FGF5: variants seen among roughly 807,000 people sequenced by gnomAD.
The protein encoded by FGF5 is fibroblast growth factor 5.
FGF5 carries 23 observed loss-of-function variants against 21.8 expected under a neutral mutation model. The observed-to-expected ratio is 1.05, with a 90% CI of 0.76 to 1.49. The LOEUF (loss-of-function observed/expected upper bound fraction) is 1.49, where lower values mean the gene tolerates loss of function less well. FGF5 is among the 40% of genes most tolerant of loss of function. The pLI is 0.00. For missense variants in FGF5, 352 were observed against 332.9 expected (o/e 1.06, Z -0.45); for synonymous variants, 158 against 124.0 (o/e 1.27, Z -1.82).
chr4:80,276,809 A>G (rs1408640572), intron 2 of FGF5, among the ~76,000 whole-genome samples: 4 of 151,968 alleles, frequency 2.6e-5, no homozygotes, highest in Non-Finnish European at 5.9e-5. Context: ...AACAATGATT[A>G]AACACATCTA....
At position 80,266,718 on chromosome 4, in the gene FGF5, A is replaced by G. The variant is rs1720097510; in HGVS notation, c.-107A>G. On this transcript the variant is annotated 5_prime_UTR_variant, in exon 1 of 3. Transcript: ENST00000312465. ...CCTTCTCTTCCCCGAGGCTATGTCC[A>G]CCCGGTGCGGCGAGGCGGGCAGAGC... 1.0e-6 allele frequency: 1 copy of G among 965,704 alleles called. No individual in the cohort carries two copies. The highest frequency in any genetic ancestry group is 1.6e-5 in the South Asian group (1 of 62,596). The allele number at this position is 965,704 out of a possible 1,614,324, so 59.8% of individuals were successfully genotyped here.
rs1720851031 is a variant in FGF5 at position 80,290,066 on chromosome 4, T to C, written c.*3394T>C. On this transcript the variant is annotated 3_prime_UTR_variant, in exon 3 of 3. Coordinates refer to ENST00000312465, the MANE Select transcript of FGF5 (RefSeq NM_004464.4). ...AAATCATGACTTATCCCATTTTCAA[T>C]AACAAAACGAAACTATGGCACTAAC... 6.6e-6 allele frequency: 1 copy of C among 152,084 alleles called. No homozygotes were observed. Among genetic ancestry groups the C allele is most frequent in the South Asian group, 2.1e-4 (1 of 4,826 alleles). The allele number at this position is 152,084 out of a possible 1,614,324, so 9.4% of individuals were successfully genotyped here. A position where few individuals can be genotyped will look rare whatever the true frequency, so the allele number is the denominator to read the frequency against.
chr4:80,273,453 TAAATGCTCAATAA>T (rs1720326297), intron 1 of FGF5, among the ~76,000 whole-genome samples: 1 of 152,138 alleles, frequency 6.6e-6, no homozygotes, highest in Non-Finnish European at 1.5e-5. Flanking sequence ...TTGCACAAAA[TAAATGCTCAATAA>T]AGTTACTCAC....
chr4:80,280,076 G>A (rs1332990961), intron 2 of FGF5, among the ~76,000 whole-genome samples: 1 of 152,212 alleles, frequency 6.6e-6, no homozygotes, highest in Non-Finnish European at 1.5e-5. Context: ...GGAGGCTTGA[G>A]TAATACTTAT....
At chr4:80,286,210 T>C (rs1252456935) in intron 2 of FGF5, 115 bp from the exon 3 acceptor site, 2 of 663,262 alleles carry the variant, frequency 3.0e-6, no homozygotes, top group Non-Finnish European at 5.1e-6. Context: ...AGGAATTGAG[T>C]AGGAGGAACA....
rs1578288810 is a variant in FGF5, at chr4:80,266,675, C to T, written c.-150C>T. 1.1e-5 allele frequency: 7 copies of T among 664,184 alleles called. No individual in the cohort carries two copies. The East Asian group carries it at 1.7e-4, about 16-fold the overall frequency. The allele number at this position is 664,184 out of a possible 1,614,324, so 41.1% of individuals were successfully genotyped here. A position where few individuals can be genotyped will look rare whatever the true frequency, so the allele number is the denominator to read the frequency against. Reference sequence around the variant, plus strand: ...CAGCGCGGAGATCCGCTCGGGTGGCCTCTCTCTTCCCCTCTCCCCTTCTCT... The same window carrying T: ...CAGCGCGGAGATCCGCTCGGGTGGCTTCTCTCTTCCCCTCTCCCCTTCTCT... On this transcript the variant is annotated 5_prime_UTR_variant, in exon 1 of 3. Transcript: ENST00000312465.
chr4:80,282,452 CTGT>C (rs1446900237), intron 2 of FGF5, among the ~76,000 whole-genome samples: 1 of 151,858 alleles, frequency 6.6e-6, no homozygotes, highest in Non-Finnish European at 1.5e-5. Flanking sequence ...TGAATGTAAC[CTGT>C]TATTATTCTT....
intron 1 of FGF5, among the ~76,000 whole-genome samples, chr4:80,273,620 A>G (rs1720331108): frequency 6.6e-6 from 1 of 152,184 alleles, no homozygotes; most frequent in Admixed American, 6.5e-5. Flanking sequence ...CCTAATTAGT[A>G]TATATGCTTA....
Position 80,267,197 on chromosome 4 carries a change from C to T in FGF5, c.355+18C>T. The T allele has an allele frequency of 6.4e-7, 1 of 1,568,278 alleles. No homozygotes were observed. Among genetic ancestry groups the T allele is most frequent in the Non-Finnish European group, 8.7e-7 (1 of 1,152,332 alleles). On this transcript the variant is annotated intron_variant, in intron 1 of 2. Transcript: ENST00000312465. ...TATGTTAAGTAAGTTACTCGCTCTCCTACAAAACCCGTCCTAGGCGGCCGC... is the reference window on the plus strand; with the variant it reads ...TATGTTAAGTAAGTTACTCGCTCTCTTACAAAACCCGTCCTAGGCGGCCGC...
chr4:80,275,736 T>C (rs1720393108), intron 2 of FGF5, among the ~76,000 whole-genome samples: 1 of 152,038 alleles, frequency 6.6e-6, no homozygotes, highest in African/African-American at 2.4e-5. Context: ...TATGTTCAGC[T>C]TAGTTTTCCC....
At chr4:80,268,931 G>C (rs1472800001) in intron 1 of FGF5, among the ~76,000 whole-genome samples, 1 of 152,244 alleles carries the variant, frequency 6.6e-6, no homozygotes, top group Non-Finnish European at 1.5e-5. Flanking sequence ...GGAATAATCA[G>C]TAACATCTAT....
chr4:80,275,725 A>G (rs1210291271), intron 2 of FGF5, among the ~76,000 whole-genome samples: 1 of 152,046 alleles, frequency 6.6e-6, no homozygotes, highest in Non-Finnish European at 1.5e-5. Flanking sequence ...AGATAATAAA[A>G]TATGTTCAGC....
chr4:80,286,526 C>G lies in FGF5; in HGVS notation c.661C>G (p.Gln221Glu), dbSNP rs374779310. The change falls in exon 3 of 3, where the codon CAG becomes GAG. Residue 221 changes from glutamine to glutamate, a missense_variant. Physicochemically the swap from Gln to Glu is conservative, Grantham distance 29. Transcript: ENST00000312465. ...ISTHFLPRFK[Q>E]SEQPELSFTV... ...TACCCATTTTCTGCCAAGATTCAAG[C>G]AGTCGGAGCAGCCAGAACTTTCTTT... 22 of 1,613,830 alleles carry G rather than the reference C, an allele frequency of 1.4e-5. No homozygotes were observed. Among genetic ancestry groups the G allele is most frequent in the Non-Finnish European group, 1.9e-5 (22 of 1,179,954 alleles).
At chr4:80,267,749 A>C (rs1383884121) in intron 1 of FGF5, among the ~76,000 whole-genome samples, 1 of 152,158 alleles carries the variant, frequency 6.6e-6, no homozygotes, top group Non-Finnish European at 1.5e-5. Flanking sequence ...AGATAGATAG[A>C]TAGATAGATA....
intron 2 of FGF5, among the ~76,000 whole-genome samples, chr4:80,281,344 C>G (rs1448137614): frequency 6.6e-6 from 1 of 152,140 alleles, no homozygotes; most frequent in Non-Finnish European, 1.5e-5. Flanking sequence ...GACAAGGAAA[C>G]TTAGTTTAGA....
chr4:80,269,477 A>T (rs1372486164), intron 1 of FGF5, among the ~76,000 whole-genome samples: 1 of 152,220 alleles, frequency 6.6e-6, no homozygotes, highest in East Asian at 1.9e-4. Context: ...AGAGCAGATC[A>T]AAAAGAGTGC....
rs747665760 is a variant in FGF5, at chr4:80,286,468, G to A, written c.603G>A (p.Gly201=). 1 of 1,614,008 alleles carries A rather than the reference G, an allele frequency of 6.2e-7. No individual in the cohort carries two copies. The highest frequency in any genetic ancestry group is 8.5e-7 in the Non-Finnish European group (1 of 1,179,980). The stretch of plus-strand genomic sequence containing the variant: ...ATAAAAGAGGAAAAGCCAAACGAGG[G>A]TGCAGCCCCCGGGTTAAACCCCAGC... ...ALNKRGKAKR[G]CSPRVKPQHI... The change falls in exon 3 of 3, where the codon GGG becomes GGA. Residue 201 remains glycine (G), a synonymous_variant. Coordinates refer to ENST00000312465, the MANE Select transcript of FGF5 (RefSeq NM_004464.4).
Position 80,273,388 on chromosome 4 carries a change from C to T in FGF5, c.356-1521C>T, listed in dbSNP as rs35482113. On this transcript the variant is annotated intron_variant, in intron 1 of 2. Coordinates refer to ENST00000312465, the MANE Select transcript of FGF5 (RefSeq NM_004464.4). ...CTTTCTAATCAAGTTTTTTAAGAAA[C>T]CAAGTTGAATAAATAAACAGCAGTG... Among the ~76,000 whole-genome samples, 122 of 152,054 alleles carry T rather than the reference C, an allele frequency of 8.0e-4. 1 individual carries two copies. Among genetic ancestry groups the T allele is most frequent in the African/African-American group, 2.9e-3 (120 of 41,510 alleles).
At position 80,266,956 on chromosome 4, in the gene FGF5, C is replaced by T; in HGVS notation, c.132C>T (p.Ser44=). 1 of 1,614,214 alleles carries T rather than the reference C, an allele frequency of 6.2e-7. No individual in the cohort carries two copies. The highest frequency in any genetic ancestry group is 1.1e-5 in the South Asian group (1 of 91,090). Residue 44 remains serine (S), a synonymous_variant, in exon 1 of 3, where the codon TCC becomes TCT. Transcript: ENST00000312465. The part of the protein sequence containing the change: ...PAATDRNPRG[S]SSRQSSSSAM... Reference sequence around the variant, plus strand: ...CCACTGATAGGAACCCTAGAGGCTCCAGCAGCAGACAGAGCAGCAGTAGCG... The same window carrying T: ...CCACTGATAGGAACCCTAGAGGCTCTAGCAGCAGACAGAGCAGCAGTAGCG...
Sources: allele counts gnomAD v4.1 joint callset (sites outside exome capture counted in the v4.1 genomes callset), GRCh38; gene constraint gnomAD v4.1.1; transcripts MANE v1.5; gene names NCBI Gene and HGNC (gene_info 2026-07-23, HGNC 2026-07-21).